KCNIP4: variants seen among roughly 807,000 people sequenced by gnomAD.
KCNIP4 encodes Kv channel-interacting protein 4.
Under a neutral mutation model 34.0 loss-of-function variants are expected in KCNIP4, and 12 were observed. That is an observed-to-expected ratio of 0.35 (90% CI 0.23 to 0.57). KCNIP4 has a LOEUF of 0.57. Ranked by LOEUF, KCNIP4 falls within the 20% of genes least tolerant of loss-of-function variation. KCNIP4 has a pLI of 0.83. For synonymous variants in KCNIP4, 124 were observed against 102.2 expected, an observed-to-expected ratio of 1.21 and a Z score of -1.29; for missense variants, 238 against 311.7, an observed-to-expected ratio of 0.76 and a Z score of 1.78.
At chr4:21,717,525 C>T (rs1560659980) in intron 1 of KCNIP4, among the ~76,000 whole-genome samples, 1 of 152,142 alleles carries the variant, frequency 6.6e-6, no homozygotes, top group Non-Finnish European at 1.5e-5. Context: ...TTGGCTATGG[C>T]AGAACCAATG....
At chr4:21,079,007 C>T (rs1196761189) in intron 1 of KCNIP4, among the ~76,000 whole-genome samples, 1 of 152,030 alleles carries the variant, frequency 6.6e-6, no homozygotes, top group African/African-American at 2.4e-5. Context: ...CCAAATTGCC[C>T]CACAATCCAG....
intron 1 of KCNIP4, among the ~76,000 whole-genome samples, chr4:21,568,131 T>C (rs1488909627): frequency 6.6e-6 from 1 of 152,126 alleles, no homozygotes; most frequent in East Asian, 1.9e-4. Flanking sequence ...AATCGTATTA[T>C]AATATGGTAG....
At chr4:21,246,154 AG>A (rs1760187940) in intron 1 of KCNIP4, among the ~76,000 whole-genome samples, 1 of 152,174 alleles carries the variant, frequency 6.6e-6, no homozygotes, top group African/African-American at 2.4e-5. Flanking sequence ...CATTTGCAAG[AG>A]TAGTCTGTCA....
chr4:21,063,349 G>C (rs1744088128), intron 1 of KCNIP4, among the ~76,000 whole-genome samples: 1 of 152,172 alleles, frequency 6.6e-6, no homozygotes, highest in African/African-American at 2.4e-5. Context: ...TCTGGAATCA[G>C]TAAACAAACC....
intron 1 of KCNIP4, among the ~76,000 whole-genome samples, chr4:21,449,008 G>C (rs934239942): frequency 1.2e-4 from 19 of 152,318 alleles, no homozygotes; most frequent in African/African-American, 4.1e-4. Flanking sequence ...TGACTACTCA[G>C]CTGCAAACAT....
chr4:21,546,974 T>C (rs955302087), intron 1 of KCNIP4, among the ~76,000 whole-genome samples: 1 of 152,146 alleles, frequency 6.6e-6, no homozygotes, highest in African/African-American at 2.4e-5. Context: ...TTTACAAATA[T>C]CTACTCCAAT....
intron 1 of KCNIP4, among the ~76,000 whole-genome samples, chr4:21,751,230 CAT>C (rs1717130718): frequency 1.3e-5 from 2 of 152,248 alleles, no homozygotes; most frequent in South Asian, 4.1e-4. Flanking sequence ...ACTTGGAAAA[CAT>C]AACAGCAAAT....
At chr4:20,960,207 G>T (rs141434276) in intron 1 of KCNIP4, among the ~76,000 whole-genome samples, 2 of 152,168 alleles carry the variant, frequency 1.3e-5, no homozygotes, top group Non-Finnish European at 2.9e-5. Flanking sequence ...CCAAATTGGA[G>T]TGTCTTCAAT....
intron 1 of KCNIP4, among the ~76,000 whole-genome samples, chr4:21,473,533 T>C (rs994092020): frequency 1.3e-5 from 2 of 152,150 alleles, no homozygotes; most frequent in African/African-American, 4.8e-5. Context: ...TGCTGTCCTT[T>C]GGGAGTTCAG....
chr4:21,211,400 C>T (rs1288683819), intron 1 of KCNIP4, among the ~76,000 whole-genome samples: 1 of 152,132 alleles, frequency 6.6e-6, no homozygotes, highest in Non-Finnish European at 1.5e-5. Context: ...CTGAGCTCTA[C>T]CTTCTGTTGG....
At chr4:20,837,662 C>CTATA (rs36015537) in intron 3 of KCNIP4, among the ~76,000 whole-genome samples, 4 of 138,072 alleles carry the variant, frequency 2.9e-5, no homozygotes, top group East Asian at 2.1e-4. Context: ...GTTGTCAGTG[C>CTATA]TATATATATA....
chr4:21,351,271 C>G (rs1717973813), intron 1 of KCNIP4, among the ~76,000 whole-genome samples: 1 of 152,110 alleles, frequency 6.6e-6, no homozygotes, highest in South Asian at 2.1e-4. Flanking sequence ...TAATAATCCC[C>G]ACATGTCGTA....
intron 1 of KCNIP4, among the ~76,000 whole-genome samples, chr4:21,558,386 G>A (rs2109027737): frequency 6.6e-6 from 1 of 151,968 alleles, no homozygotes; most frequent in Admixed American, 6.6e-5. Flanking sequence ...CAGCTACTCA[G>A]GAGGCTTAGG....
intron 1 of KCNIP4, among the ~76,000 whole-genome samples, chr4:21,244,147 A>G (rs1277987373): frequency 3.3e-5 from 5 of 152,332 alleles, no homozygotes; most frequent in African/African-American, 9.6e-5. Flanking sequence ...GTATTGATAT[A>G]TAACAGTTGT....
At chr4:21,167,942 TG>T (rs746765565) in intron 1 of KCNIP4, among the ~76,000 whole-genome samples, 110 of 152,334 alleles carry the variant, frequency 7.2e-4, no homozygotes, top group Non-Finnish European at 1.4e-3. Context: ...TGGGGAAGGC[TG>T]CTGATATTTT....
chr4:21,099,521 C>T (rs1280564987), intron 1 of KCNIP4, among the ~76,000 whole-genome samples: 4 of 152,036 alleles, frequency 2.6e-5, no homozygotes, highest in Non-Finnish European at 5.9e-5. Flanking sequence ...AGCTTAATAC[C>T]TAGGTGATGG....
intron 3 of KCNIP4, among the ~76,000 whole-genome samples, chr4:20,810,464 G>C (rs1482142606): frequency 1.4e-5 from 2 of 142,282 alleles, no homozygotes; most frequent in Non-Finnish European, 3.0e-5. Flanking sequence ...GAGGAAGGGG[G>C]GAGAGAGAGA....
intron 1 of KCNIP4, among the ~76,000 whole-genome samples, chr4:21,638,421 C>T (rs1255495036): frequency 6.6e-6 from 1 of 152,004 alleles, no homozygotes; most frequent in Admixed American, 6.6e-5. Context: ...TGGGGGTATC[C>T]TTTAGAAACA....
intron 1 of KCNIP4, among the ~76,000 whole-genome samples, chr4:21,390,384 A>G (rs1398118848): frequency 1.3e-5 from 2 of 152,174 alleles, no homozygotes; most frequent in African/African-American, 4.8e-5. Context: ...GCCCATGCCT[A>G]TGTCTTCAAT....
Sources: gnomAD v4.1 joint callset for allele counts (sites outside exome capture counted in the v4.1 genomes callset) on GRCh38, gnomAD v4.1.1 for gene constraint, MANE v1.5 for transcripts, NCBI Gene and HGNC (gene_info 2026-07-23, HGNC 2026-07-21) for gene names.